The following WDR86 variants were observed in gnomAD, a reference collection of about 807,000 sequenced individuals.
WDR86 encodes the protein WD repeat domain 86, also known as WD repeat-containing protein 86.
A neutral mutation model predicts 36.5 loss-of-function variants in WDR86; 30 were observed. The observed-to-expected ratio is 0.82, with a 90% CI of 0.61 to 1.11. The LOEUF (loss-of-function observed/expected upper bound fraction) is 1.11. Among genes scored for constraint, WDR86 ranks in the 50% most tolerant of loss-of-function variants. The pLI is 0.00. For synonymous variants in WDR86, 255 were observed against 252.9 expected (o/e 1.01, Z -0.08); for missense variants, 545 against 561.2 (o/e 0.97, Z 0.29).
At chr7:151,394,288 G>C (rs1396278101) in intron 3 of WDR86, among the ~76,000 whole-genome samples, 1 of 152,164 alleles carries the variant, frequency 6.6e-6, no homozygotes, top group African/African-American at 2.4e-5. Flanking sequence ...ACGCGAATGT[G>C]AGCCCTTCCC....
Position 151,406,210 on chromosome 7 carries a change from T to G in WDR86, c.163+3217A>C, listed in dbSNP as rs917769540. Reference sequence around the variant, plus strand: ...CCCACACGCCGGTTCTGCAGCCCACTCTCCCTGGGGCCTCCGGGAGCAGCA... The same window carrying G: ...CCCACACGCCGGTTCTGCAGCCCACGCTCCCTGGGGCCTCCGGGAGCAGCA... On this transcript the variant is annotated intron_variant, in intron 1 of 5. Transcript: ENST00000334493. This position sits in a 1 kb window ranked among gnomAD's most constrained non-coding sequence, Gnocchi z 4.4. 6.6e-6 allele frequency among the ~76,000 whole-genome samples: 1 copy of G among 151,990 alleles called. No homozygotes were observed. The highest frequency in any genetic ancestry group is 1.5e-5 in the Non-Finnish European group (1 of 67,994).
In WDR86 at chr7:151,381,667, G is replaced by GGAGT. The variant is rs1798579111; in HGVS notation, c.1045_1046insACTC (p.Pro349HisfsTer115). Reference sequence around the variant, plus strand: ...GCTGCGCATGGGCGGAGGGGGCCGCGGGGCACCTCGGAGCCCGCGCACGTC... The same window carrying GGAGT: ...GCTGCGCATGGGCGGAGGGGGCCGCGGAGTGGGCACCTCGGAGCCCGCGCACGTC... On this transcript the variant is annotated frameshift_variant, in exon 6 of 6. Transcript: ENST00000334493. LOFTEE classifies it high-confidence loss of function. The surrounding 1 kb of genome is among the most constrained non-coding windows in gnomAD (Gnocchi z 4.8). The GGAGT allele has an allele frequency of 7.1e-7, 1 of 1,411,446 alleles. No individual in the cohort carries two copies. The highest frequency in any genetic ancestry group is 9.1e-7 in the Non-Finnish European group (1 of 1,093,568). The allele number at this position is 1,411,446 out of a possible 1,614,324, so 87.4% of individuals were successfully genotyped here.
chr7:151,409,051 C>T lies in WDR86; in HGVS notation c.163+376G>A, dbSNP rs969802240. 26 of 508,536 alleles carry T rather than the reference C, an allele frequency of 5.1e-5. No individual in the cohort carries two copies. Among genetic ancestry groups the T allele is most frequent in the Middle Eastern group, 3.0e-4 (1 of 3,314 alleles). The allele number at this position is 508,536 out of a possible 1,614,324, so 31.5% of individuals were successfully genotyped here. On this transcript the variant is annotated intron_variant, in intron 1 of 5. Coordinates refer to ENST00000334493, the MANE Select transcript of WDR86 (RefSeq NM_198285.3). The surrounding 1 kb of genome is among the most constrained non-coding windows in gnomAD (Gnocchi z 5.2). ...AATTGGCCACAAAGAGGCCACAAGG[C>T]ACCTAGAGACAAGGGAAGGTTTGCT...
At chr7:151,381,012 C>T (rs1471068943), downstream of WDR86, 30 of 451,076 alleles carry the variant, frequency 6.7e-5, no homozygotes, top group Non-Finnish European at 8.8e-5. This position sits in a 1 kb window ranked among gnomAD's most constrained non-coding sequence, Gnocchi z 4.8. Context: ...CTGCCCAGGC[C>T]GGTTGTGAGA....
rs1207995056 is a variant in WDR86 at position 151,390,199 on chromosome 7, G to T, written c.727-4976C>A. 6.6e-6 allele frequency among the ~76,000 whole-genome samples: 1 copy of T among 152,178 alleles called. No individual in the cohort carries two copies. The highest frequency in any genetic ancestry group is 2.4e-5 in the African/African-American group (1 of 41,436). ...GCCAGGGCTGCGGAGCAGGGGAGGA[G>T]CTGGAGGGGAGGAGATGAAAAGTCC... On this transcript the variant is annotated intron_variant, in intron 3 of 5. Transcript: ENST00000334493. This position sits in a 1 kb window ranked among gnomAD's most constrained non-coding sequence, Gnocchi z 4.5.
chr7:151,374,490 T>C, downstream of WDR86: 1 of 589,532 alleles, frequency 1.7e-6, no homozygotes, highest in Non-Finnish European at 3.0e-6. Context: ...ACCAGCACAG[T>C]CCACAGGCCA....
chr7:151,381,965 C>T lies in WDR86; in HGVS notation c.879G>A (p.Gly293=), dbSNP rs1483112868. The change falls in exon 5 of 6, where the codon GGG becomes GGA. Residue 293 remains glycine, a synonymous_variant. Transcript: ENST00000334493. The surrounding 1 kb of genome is among the most constrained non-coding windows in gnomAD (Gnocchi z 4.8). Reference sequence around the variant, plus strand: ...CGTCGAAGGCCCGGGCGCAAGCGTCCCCGCTGCCCGTGAACACTGCGGACA... The same window carrying T: ...CGTCGAAGGCCCGGGCGCAAGCGTCTCCGCTGCCCGTGAACACTGCGGACA... The part of the protein sequence containing the change: ...YHAGTLFTGS[G]DACARAFDAQ... 1 of 1,604,206 alleles carries T rather than the reference C, an allele frequency of 6.2e-7. No homozygotes were observed. Among genetic ancestry groups the T allele is most frequent in the Non-Finnish European group, 8.5e-7 (1 of 1,176,266 alleles).
At chr7:151,379,255 T>C (rs1045082472), downstream of WDR86, among the ~76,000 whole-genome samples, 133 of 151,490 alleles carry the variant, frequency 8.8e-4, no homozygotes, top group African/African-American at 3.1e-3. Flanking sequence ...AGCGGGGAGG[T>C]TGGATGCCAT....
chr7:151,396,303 T>C, intron 2 of WDR86, 107 bp from the exon 3 acceptor site: 1 of 1,296,630 alleles, frequency 7.7e-7, no homozygotes, highest in Non-Finnish European at 1.1e-6. Flanking sequence ...AACCTCTCCC[T>C]GTGTCTGCCC....
Position 151,403,722 on chromosome 7 carries a change from C to T in WDR86, c.164-3481G>A, listed in dbSNP as rs192830505. On this transcript the variant is annotated intron_variant, in intron 1 of 5. Transcript: ENST00000334493. ...TGAGGGCAATGTGTTTGTCAAAACG[C>T]AGGCTAGATTTTTGCCAACCCCAGA... 6.6e-5 allele frequency among the ~76,000 whole-genome samples: 10 copies of T among 152,306 alleles called. No individual in the cohort carries two copies. In the East Asian group the frequency reaches 1.9e-3, roughly 29 times the overall value.
At chr7:151,408,710 A>G in intron 1 of WDR86, 2 of 350,548 alleles carry the variant, frequency 5.7e-6, no homozygotes, top group South Asian at 2.2e-5. Context: ...CAGAGCTGAA[A>G]GGGACCTCAC....
chr7:151,384,812 A>G (rs746976827), intron 4 of WDR86, among the ~76,000 whole-genome samples: 3 of 152,126 alleles, frequency 2.0e-5, no homozygotes, highest in Non-Finnish European at 4.4e-5. Context: ...ATTAGGATAC[A>G]CCCTTTGGGA....
intron 1 of WDR86, among the ~76,000 whole-genome samples, chr7:151,400,984 T>G (rs548238786): frequency 6.6e-6 from 1 of 152,294 alleles, no homozygotes; most frequent in East Asian, 1.9e-4. Flanking sequence ...GGATGGAGAT[T>G]TAAGATGCCA....
downstream of WDR86, chr7:151,376,879 T>C (rs1167288747): frequency 6.0e-6 from 9 of 1,498,404 alleles, no homozygotes; most frequent in Admixed American, 1.3e-4. Context: ...GATGTGGCCC[T>C]AAGCCACGGC....
intron 3 of WDR86, among the ~76,000 whole-genome samples, chr7:151,387,774 C>T (rs556420561): frequency 2.0e-5 from 3 of 152,314 alleles, no homozygotes; most frequent in South Asian, 2.1e-4. Context: ...GCAAGAGTGT[C>T]GGGGGACGCA....
chr7:151,387,493 G>A (rs1318429313), intron 3 of WDR86, among the ~76,000 whole-genome samples: 1 of 152,182 alleles, frequency 6.6e-6, no homozygotes. Flanking sequence ...AGGACAGGGA[G>A]AGCGGGGTGG....
Position 151,397,711 on chromosome 7 carries a change from G to A in WDR86, c.306-1515C>T, listed in dbSNP as rs75163555. ...AGGAAGAGGGTGTAGTGGGAGGAAGGGCATAGCGGGAGGAAGAGGGTGTAG... is the reference window on the plus strand; with the variant it reads ...AGGAAGAGGGTGTAGTGGGAGGAAGAGCATAGCGGGAGGAAGAGGGTGTAG... On this transcript the variant is annotated intron_variant, in intron 2 of 5. Coordinates refer to ENST00000334493, the MANE Select transcript of WDR86 (RefSeq NM_198285.3). Among the ~76,000 whole-genome samples, 147 of 82,596 alleles carry A rather than the reference G, an allele frequency of 1.8e-3. 1 individual carries two copies. Among genetic ancestry groups the A allele is most frequent in the East Asian group, 3.7e-3 (7 of 1,902 alleles). The allele number at this position is 82,596 out of a possible 152,430, so 54.2% of individuals were successfully genotyped here.
downstream of WDR86, chr7:151,374,487 C>G (rs1224496030): frequency 5.0e-6 from 3 of 597,178 alleles, no homozygotes; most frequent in Non-Finnish European, 9.0e-6. Flanking sequence ...CACACCAGCA[C>G]AGTCCACAGG....
chr7:151,409,345 C>A lies in WDR86; in HGVS notation c.163+82G>T, dbSNP rs1801010535. ...GGGGGCTGGACTTCTAGAAAGGGGTCTGCGGGCGCAGGAGCTGGGGTCCGC... is the reference window on the plus strand; with the variant it reads ...GGGGGCTGGACTTCTAGAAAGGGGTATGCGGGCGCAGGAGCTGGGGTCCGC... On this transcript the variant is annotated intron_variant, in intron 1 of 5. Transcript: ENST00000334493. The surrounding 1 kb of genome is among the most constrained non-coding windows in gnomAD (Gnocchi z 5.2). The A allele has an allele frequency of 6.5e-7, 1 of 1,530,322 alleles. No individual in the cohort carries two copies. Among genetic ancestry groups the A allele is most frequent in the East Asian group, 2.5e-5 (1 of 40,416 alleles). The allele number at this position is 1,530,322 out of a possible 1,614,324, so 94.8% of individuals were successfully genotyped here. A position where few individuals can be genotyped will look rare whatever the true frequency, so the allele number is the denominator to read the frequency against.
Sources: allele counts gnomAD v4.1 joint callset (sites outside exome capture counted in the v4.1 genomes callset), GRCh38; gene constraint gnomAD v4.1.1; non-coding constraint Gnocchi (gnomAD v3.1); transcripts MANE v1.5; gene names NCBI Gene and HGNC (gene_info 2026-07-23, HGNC 2026-07-21).